LCA5: variants seen among roughly 807,000 people sequenced by gnomAD.
LCA5 encodes the protein lebercilin LCA5, also known as lebercilin.
LCA5 carries 37 observed loss-of-function variants against 53.0 expected under a neutral mutation model. The observed-to-expected ratio is 0.70, with a 90% CI of 0.54 to 0.92. LCA5 has a LOEUF of 0.92. LCA5 is among the 40% of genes least tolerant of loss of function. The pLI is 0.00. For missense variants in LCA5, 806 were observed against 790.5 expected (o/e 1.02, Z -0.23); for synonymous variants, 303 against 282.9 (o/e 1.07, Z -0.71).
intron 3 of LCA5, among the ~76,000 whole-genome samples, chr6:79,499,714 C>T (rs952348257): frequency 4.7e-5 from 7 of 148,840 alleles, no homozygotes; most frequent in African/African-American, 1.7e-4. Context: ...TATTATTATA[C>T]TTTAAGTTTT....
At chr6:79,530,174 T>G (rs1180981765) in intron 1 of LCA5, among the ~76,000 whole-genome samples, 6 of 152,156 alleles carry the variant, frequency 3.9e-5, no homozygotes, top group African/African-American at 1.2e-4. Context: ...TTTTGAGGGA[T>G]GTCTCTAAAT....
intron 4 of LCA5, among the ~76,000 whole-genome samples, chr6:79,493,317 T>C (rs1057268840): frequency 1.4e-4 from 21 of 152,300 alleles, no homozygotes; most frequent in African/African-American, 4.8e-4. Context: ...TATTCAACCA[T>C]GCAACACAGT....
chr6:79,491,637 G>C lies in LCA5; in HGVS notation c.1049C>G (p.Thr350Arg). 6.2e-7 allele frequency: 1 copy of C among 1,613,126 alleles called. No homozygotes were observed. Among genetic ancestry groups the C allele is most frequent in the Non-Finnish European group, 8.5e-7 (1 of 1,179,292 alleles). The change falls in exon 6 of 8, where the codon ACA (threonine) becomes AGA (arginine). Residue 350 changes from threonine to arginine, a missense_variant. By Grantham distance (71) the Thr-to-Arg change is moderately conservative (BLOSUM62 -1). Coordinates refer to ENST00000369846, the MANE Select transcript of LCA5 (RefSeq NM_001122769.3). The part of the protein sequence containing the change: ...KPEEYPLTPE[T>R]IMCYENKWEE... ...CCATTTGTTTTCGTAACACATAATT[G>C]TTTCTGGAGTTAAAGGATATTCTTC...
intron 3 of LCA5, among the ~76,000 whole-genome samples, chr6:79,512,422 T>C (rs1033306909): frequency 1.3e-5 from 2 of 152,132 alleles, no homozygotes; most frequent in Non-Finnish European, 2.9e-5. Context: ...TGGCATATTA[T>C]ATAGAGTAAG....
chr6:79,493,479 C>A (rs2803193), intron 4 of LCA5, 134 bp downstream of exon 4: 216,422 of 848,734 alleles, frequency 0.25, 31,404 homozygotes, highest in East Asian at 0.6. Context: ...TTTCTAAGTG[C>A]TAAAGATAAT....
At chr6:79,503,683 C>T (rs933142250) in intron 3 of LCA5, among the ~76,000 whole-genome samples, 57 of 152,314 alleles carry the variant, frequency 3.7e-4, no homozygotes, top group African/African-American at 1.1e-3. Context: ...ACCCTATTTA[C>T]GATCACCTGC....
intron 3 of LCA5, among the ~76,000 whole-genome samples, chr6:79,496,224 T>C (rs538240933): frequency 6.6e-6 from 1 of 152,352 alleles, no homozygotes; most frequent in South Asian, 2.1e-4. Context: ...TCTCATACAC[T>C]TTTGTTTTGC....
At chr6:79,494,691 CT>C (rs1405782042) in intron 3 of LCA5, among the ~76,000 whole-genome samples, 2 of 152,128 alleles carry the variant, frequency 1.3e-5, no homozygotes, top group Admixed American at 1.3e-4. Flanking sequence ...AGTCAATATA[CT>C]GTAATAACAC....
intron 3 of LCA5, among the ~76,000 whole-genome samples, chr6:79,507,172 A>C (rs1770291572): frequency 6.6e-6 from 1 of 152,196 alleles, no homozygotes; most frequent in Non-Finnish European, 1.5e-5. Flanking sequence ...GCAGAAGCAG[A>C]TATGAGGACC....
At chr6:79,498,187 T>G (rs764132815) in intron 3 of LCA5, among the ~76,000 whole-genome samples, 3 of 148,400 alleles carry the variant, frequency 2.0e-5, no homozygotes, top group Non-Finnish European at 3.0e-5. Context: ...AAAAAAAAAG[T>G]ATGTGTATAT....
rs1318544098 is a variant in LCA5, at chr6:79,486,929, T to G, written c.*75A>C. 9.0e-6 allele frequency: 11 copies of G among 1,222,520 alleles called. No individual in the cohort carries two copies. The allele number at this position is 1,222,520 out of a possible 1,614,324, so 75.7% of individuals were successfully genotyped here. The stretch of plus-strand genomic sequence containing the variant: ...ATAAGGACATTTTAGCATTAAAAAG[T>G]CTAAATGTTTATAATAAATACTGTA... On this transcript the variant is annotated 3_prime_UTR_variant, in exon 8 of 8. Transcript: ENST00000369846.
At chr6:79,535,742 G>T (rs1485736469) in intron 1 of LCA5, among the ~76,000 whole-genome samples, 1 of 152,074 alleles carries the variant, frequency 6.6e-6, no homozygotes, top group Non-Finnish European at 1.5e-5. Context: ...AATTGGGAGA[G>T]TGTTAATAAA....
chr6:79,531,744 CT>C (rs1317375710), intron 1 of LCA5, among the ~76,000 whole-genome samples: 1 of 152,136 alleles, frequency 6.6e-6, no homozygotes. Flanking sequence ...TAAAAACTCT[CT>C]TTTCTTACTT....
intron 3 of LCA5, among the ~76,000 whole-genome samples, chr6:79,508,735 T>C (rs1410350192): frequency 6.6e-6 from 1 of 152,156 alleles, no homozygotes; most frequent in Non-Finnish European, 1.5e-5. Flanking sequence ...TTTCAAGGGA[T>C]ACCCAGGATT....
At chr6:79,497,956 C>CAAAA (rs34167121) in intron 3 of LCA5, among the ~76,000 whole-genome samples, 5 of 92,766 alleles carry the variant, frequency 5.4e-5, no homozygotes, top group African/African-American at 1.9e-4. Flanking sequence ...GACTCCATCT[C>CAAAA]AAAAAAAAAA....
intron 1 of LCA5, among the ~76,000 whole-genome samples, chr6:79,520,043 G>A (rs1442960280): frequency 6.6e-6 from 1 of 151,964 alleles, no homozygotes; most frequent in Admixed American, 6.6e-5. Context: ...GAAAAACACT[G>A]GCAAAATGTA....
In LCA5 at chr6:79,492,547, A is replaced by G; in HGVS notation, c.955+4T>C. 1 of 1,390,198 alleles carries G rather than the reference A, an allele frequency of 7.2e-7. No homozygotes were observed. Among genetic ancestry groups the G allele is most frequent in the Non-Finnish European group, 1.0e-6 (1 of 987,574 alleles). The allele number at this position is 1,390,198 out of a possible 1,614,324, so 86.1% of individuals were successfully genotyped here. A position where few individuals can be genotyped will look rare whatever the true frequency, so the allele number is the denominator to read the frequency against. On this transcript the variant is annotated splice_donor_region_variant and intron_variant, in intron 5 of 7. Transcript: ENST00000369846. ...CAGTTTTTGAACAATCATATTTACC[A>G]TACCATTTTTTCTTAATGCAAGTTC...
At chr6:79,500,301 G>C (rs538480387) in intron 3 of LCA5, among the ~76,000 whole-genome samples, 112 of 151,778 alleles carry the variant, frequency 7.4e-4, no homozygotes, top group Non-Finnish European at 1.3e-3. Context: ...TTTTTCCAAA[G>C]GACATATCAC....
chr6:79,493,250 T>C (rs1472437334), intron 4 of LCA5, among the ~76,000 whole-genome samples: 4 of 152,256 alleles, frequency 2.6e-5, no homozygotes. Flanking sequence ...AAGGGCATCA[T>C]TTGAAACAAC....
Sources: gnomAD v4.1 joint callset for allele counts (sites outside exome capture counted in the v4.1 genomes callset) on GRCh38, gnomAD v4.1.1 for gene constraint, MANE v1.5 for transcripts, NCBI Gene and HGNC (gene_info 2026-07-23, HGNC 2026-07-21) for gene names.